Variants in TMEM243 observed in about 807,000 individuals in gnomAD.
The protein encoded by TMEM243 is transmembrane protein 243, also known as MDR1 and mitochondrial taxol resistance associated.
A neutral mutation model predicts 15.0 loss-of-function variants in TMEM243; 20 were observed. The observed-to-expected ratio is 1.33, with a 90% CI of 0.94 to 1.93. The LOEUF (loss-of-function observed/expected upper bound fraction) is 1.93, where lower values mean the gene tolerates loss of function less well. TMEM243 is among the 30% of genes most tolerant of loss of function. The pLI is 0.00. For synonymous variants in TMEM243, 72 were observed against 52.7 expected, an observed-to-expected ratio of 1.37 and a Z score of -1.59; for missense variants, 156 against 142.1, an observed-to-expected ratio of 1.10 and a Z score of -0.50.
At chr7:87,209,645 ACAGT>A (rs529915540) in intron 1 of TMEM243, among the ~76,000 whole-genome samples, 1,291 of 76,534 alleles carry the variant, frequency 0.017, 46 homozygotes, top group East Asian at 0.041. Context: ...AGCGAGAGAG[ACAGT>A]GAGAGACAGA....
intron 1 of TMEM243, among the ~76,000 whole-genome samples, chr7:87,215,543 T>C (rs1487191544): frequency 1.3e-5 from 2 of 152,230 alleles, no homozygotes; most frequent in Non-Finnish European, 2.9e-5. Flanking sequence ...GTAAATTACA[T>C]ATATGGCTGC....
At position 87,200,033 on chromosome 7, in the gene TMEM243, AAGGACAC is replaced by A. The variant is rs1353665085; in HGVS notation, c.79-983_79-977del. ...CAATAAACAAAACCTCAGAGATGGG[AAGGACAC>A]AGGAACAATCACAGAGCAGCAACCG... On this transcript the variant is annotated intron_variant, in intron 1 of 3. Coordinates refer to ENST00000257637, the MANE Select transcript of TMEM243 (RefSeq NM_024315.4). 2.6e-5 allele frequency among the ~76,000 whole-genome samples: 4 copies of A among 152,272 alleles called. No individual in the cohort carries two copies. In the East Asian group the frequency reaches 5.8e-4, roughly 22 times the overall value.
chr7:87,197,741 TCTTTGGGGTTACAA>T (rs1205850066), intron 3 of TMEM243, 186 bp downstream of exon 3: 5 of 1,308,798 alleles, frequency 3.8e-6, no homozygotes, highest in Non-Finnish European at 3.9e-6. Flanking sequence ...GTGGAATTTC[TCTTTGGGGTTACAA>T]CTTTGGGATT....
At chr7:87,197,716 T>G in intron 3 of TMEM243, 1 of 118,870 alleles carries the variant, frequency 8.4e-6, no homozygotes, top group Non-Finnish European at 1.1e-5. Flanking sequence ...TTTTTTTTTT[T>G]AAGCTATCAA....
upstream of TMEM243, chr7:87,219,843 G>A (rs1803385450): frequency 8.7e-6 from 3 of 344,322 alleles, no homozygotes; most frequent in Non-Finnish European, 1.6e-5. Flanking sequence ...CGCCCCTCTG[G>A]GCCGCCAGGG....
At chr7:87,217,120 G>C (rs192998540) in intron 1 of TMEM243, among the ~76,000 whole-genome samples, 140 of 152,316 alleles carry the variant, frequency 9.2e-4, no homozygotes, top group African/African-American at 3.2e-3. Flanking sequence ...CTAAAGTTGA[G>C]AGGCTATATG....
Position 87,197,971 on chromosome 7 carries a change from G to A in TMEM243, c.204C>T (p.Ile68=). 1 of 1,613,046 alleles carries A rather than the reference G, an allele frequency of 6.2e-7. No individual in the cohort carries two copies. The highest frequency in any genetic ancestry group is 2.2e-5 in the East Asian group (1 of 44,794). The change falls in exon 3 of 4, where the codon ATC becomes ATT. Residue 68 remains isoleucine (I), a synonymous_variant. Coordinates refer to ENST00000257637, the MANE Select transcript of TMEM243 (RefSeq NM_024315.4). ...TGCAGGCAGTAATACTACTCAAAGA[G>A]ATGCAGACAGCAAAGAATATATTCA... ...KPLNIFFAVC[I]SLSSITACIL... is the part of the protein sequence containing the mutation.
At chr7:87,201,654 A>G (rs1017877904) in intron 1 of TMEM243, among the ~76,000 whole-genome samples, 5 of 152,236 alleles carry the variant, frequency 3.3e-5, no homozygotes, top group Admixed American at 1.3e-4. Flanking sequence ...AATTGGAGCT[A>G]GAGTACATGG....
intron 1 of TMEM243, among the ~76,000 whole-genome samples, chr7:87,201,051 TTAGA>T (rs1226656159): frequency 6.6e-6 from 1 of 152,222 alleles, no homozygotes; most frequent in East Asian, 1.9e-4. Flanking sequence ...TGCCTACCTT[TTAGA>T]TAGTCACTGA....
intron 1 of TMEM243, among the ~76,000 whole-genome samples, chr7:87,209,167 C>T (rs571547399): frequency 6.6e-6 from 1 of 152,276 alleles, no homozygotes; most frequent in East Asian, 1.9e-4. Flanking sequence ...GAAAGAACTA[C>T]CTGAGACTGG....
chr7:87,198,829 C>G (rs1801572826), intron 2 of TMEM243, 178 bp downstream of exon 2: 1 of 552,756 alleles, frequency 1.8e-6, no homozygotes, highest in Non-Finnish European at 3.2e-6. Context: ...TGTACCATTT[C>G]ACATATTCAA....
At chr7:87,212,097 A>T (rs1285891736) in intron 1 of TMEM243, among the ~76,000 whole-genome samples, 1 of 152,220 alleles carries the variant, frequency 6.6e-6, no homozygotes, top group African/African-American at 2.4e-5. Flanking sequence ...AATGTCTACC[A>T]TGTGAAGTCG....
At chr7:87,210,636 A>C (rs1224284614) in intron 1 of TMEM243, among the ~76,000 whole-genome samples, 2 of 152,220 alleles carry the variant, frequency 1.3e-5, no homozygotes, top group Admixed American at 1.3e-4. Flanking sequence ...CTTTGGCTCT[A>C]TGTTTCACAT....
At position 87,219,435 on chromosome 7, in the gene TMEM243, C is replaced by T. The variant is rs1301017743; in HGVS notation, c.69G>A (p.Thr23=). Residue 23 remains threonine (T), a synonymous_variant, in exon 1 of 4, where the codon ACG becomes ACA. Coordinates refer to ENST00000257637, the MANE Select transcript of TMEM243 (RefSeq NM_024315.4). ...CACAATCCGCACTCACCTTGGCGGA[C>T]GTCTCCCCAAACAGAGGTCTGTTGT... The part of the protein sequence containing the change: ...GLDNRPLFGE[T]SAKDRIINLV... 2 of 1,614,068 alleles carry T rather than the reference C, an allele frequency of 1.2e-6. No individual in the cohort carries two copies. The highest frequency in any genetic ancestry group is 2.7e-5 in the African/African-American group (2 of 74,924).
intron 2 of TMEM243, chr7:87,198,594 A>AGATGTATACTGTATACAG (rs1315517027): frequency 3.3e-4 from 60 of 179,718 alleles, no homozygotes; most frequent in South Asian, 1.7e-3. Context: ...AATAGCTCCC[A>AGATGTATACTGTATACAG]GATGTATACT....
intron 3 of TMEM243, among the ~76,000 whole-genome samples, chr7:87,197,257 G>C (rs1801369269): frequency 6.6e-6 from 1 of 152,088 alleles, no homozygotes; most frequent in Non-Finnish European, 1.5e-5. Flanking sequence ...CAGGATCAGT[G>C]AATGAGAACA....
At chr7:87,210,767 G>T (rs1429641495) in intron 1 of TMEM243, among the ~76,000 whole-genome samples, 3 of 152,222 alleles carry the variant, frequency 2.0e-5, no homozygotes, top group South Asian at 4.1e-4. Context: ...AGTGTCTGTG[G>T]CTTTTCCAGG....
chr7:87,204,179 G>A (rs760807526), intron 1 of TMEM243, among the ~76,000 whole-genome samples: 1 of 152,114 alleles, frequency 6.6e-6, no homozygotes, highest in Non-Finnish European at 1.5e-5. Context: ...TCACTACTAC[G>A]AGAACAGTAT....
chr7:87,198,737 G>A (rs1801566229), intron 2 of TMEM243: 1 of 480,434 alleles, frequency 2.1e-6, no homozygotes, highest in Non-Finnish European at 3.7e-6. Context: ...AGAAGGAAGT[G>A]GCTACTAGCC....
Sources: gnomAD v4.1 joint callset for allele counts (sites outside exome capture counted in the v4.1 genomes callset) on GRCh38, gnomAD v4.1.1 for gene constraint, MANE v1.5 for transcripts, NCBI Gene and HGNC (gene_info 2026-07-23, HGNC 2026-07-21) for gene names.